PTAR1: variants seen among roughly 807,000 people sequenced by gnomAD.
PTAR1 encodes the protein protein prenyltransferase alpha subunit repeat-containing protein 1.
PTAR1 carries 17 observed loss-of-function variants against 45.5 expected under a neutral mutation model. The observed-to-expected ratio is 0.37, with a 90% CI of 0.26 to 0.56. The LOEUF (loss-of-function observed/expected upper bound fraction) is 0.56. PTAR1 is among the 20% of genes least tolerant of loss of function. The pLI, the probability that PTAR1 is intolerant of heterozygous loss-of-function variation, is 0.77. For missense variants in PTAR1, 391 were observed against 476.3 expected, an observed-to-expected ratio of 0.82 and a Z score of 1.67; for synonymous variants, 169 against 171.3, an observed-to-expected ratio of 0.99 and a Z score of 0.11.
At chr9:69,728,327 C>T (rs879297976) in intron 5 of PTAR1, among the ~76,000 whole-genome samples, 19 of 152,190 alleles carry the variant, frequency 1.2e-4, no homozygotes, top group Middle Eastern at 3.4e-3. Flanking sequence ...TATGGTAATG[C>T]ATGTTTTTCT....
At chr9:69,728,511 C>T (rs529463250) in intron 5 of PTAR1, among the ~76,000 whole-genome samples, 286 of 152,200 alleles carry the variant, frequency 1.9e-3, no homozygotes, top group African/African-American at 3.8e-3. Context: ...TGTTATTGTC[C>T]GTATTTTGGT....
chr9:69,734,757 T>C (rs1299863215), intron 3 of PTAR1, among the ~76,000 whole-genome samples: 1 of 152,176 alleles, frequency 6.6e-6, no homozygotes. Context: ...GAATCACTAT[T>C]CTAACCAAAT....
intron 2 of PTAR1, among the ~76,000 whole-genome samples, chr9:69,750,317 T>C (rs1450024471): frequency 1.3e-5 from 2 of 152,024 alleles, no homozygotes; most frequent in Non-Finnish European, 2.9e-5. Flanking sequence ...CATAAATCAC[T>C]GGGCTGGTTC....
rs1247186764 is a variant in PTAR1, at chr9:69,724,086, C to T, written c.643-456G>A. Among the ~76,000 whole-genome samples, 10 of 152,196 alleles carry T rather than the reference C, an allele frequency of 6.6e-5. No homozygotes were observed. In the East Asian group the frequency reaches 1.7e-3, roughly 26 times the overall value. On this transcript the variant is annotated intron_variant, in intron 5 of 7. Transcript: ENST00000340434. Reference sequence around the variant, plus strand: ...TGTAACTTATTATCTCTACAATAGGCTCAGTGAAATTATTTGTTCTTCAAT... The same window carrying T: ...TGTAACTTATTATCTCTACAATAGGTTCAGTGAAATTATTTGTTCTTCAAT...
rs149595471 is a variant in PTAR1, at chr9:69,719,288, A to G, written c.948-604T>C. Among the ~76,000 whole-genome samples, 25 of 152,298 alleles carry G rather than the reference A, an allele frequency of 1.6e-4. No individual in the cohort carries two copies. In the East Asian group the frequency reaches 4.4e-3, roughly 27 times the overall value. ...GCTGGGCTCTGAGCAAAACATGTAA[A>G]AGATACAGTTCCTGTTCTCCCTCCG... On this transcript the variant is annotated intron_variant, in intron 6 of 7. Coordinates refer to ENST00000340434, the MANE Select transcript of PTAR1 (RefSeq NM_001099666.2).
chr9:69,753,785 G>A (rs889571166), intron 1 of PTAR1, among the ~76,000 whole-genome samples: 1 of 152,212 alleles, frequency 6.6e-6, no homozygotes, highest in East Asian at 1.9e-4. Flanking sequence ...TGGAAGTCCA[G>A]AGTTCTAGTT....
At chr9:69,721,292 T>C (rs1216139981) in intron 6 of PTAR1, among the ~76,000 whole-genome samples, 3 of 152,266 alleles carry the variant, frequency 2.0e-5, no homozygotes, top group Non-Finnish European at 2.9e-5. Context: ...GTGGTGGAAA[T>C]TGCAAGACAA....
intron 3 of PTAR1, 99 bp downstream of exon 3, chr9:69,741,693 T>C: frequency 1.3e-6 from 1 of 749,024 alleles, no homozygotes; most frequent in Non-Finnish European, 2.3e-6. Flanking sequence ...AAGTGTAAAA[T>C]GGTTTATATT....
intron 5 of PTAR1, among the ~76,000 whole-genome samples, chr9:69,726,871 A>G (rs887793369): frequency 1.3e-5 from 2 of 150,900 alleles, no homozygotes; most frequent in African/African-American, 4.9e-5. Context: ...TATTTGTCAT[A>G]TGTGTTATAA....
At chr9:69,719,282 A>C (rs1277228094) in intron 6 of PTAR1, among the ~76,000 whole-genome samples, 1 of 152,196 alleles carries the variant, frequency 6.6e-6, no homozygotes, top group Non-Finnish European at 1.5e-5. Context: ...TGAGCAAAAC[A>C]TGTAAAAGAT....
intron 1 of PTAR1, among the ~76,000 whole-genome samples, chr9:69,754,279 G>C (rs1225390559): frequency 1.3e-5 from 2 of 152,004 alleles, no homozygotes; most frequent in African/African-American, 4.8e-5. Context: ...AGGTTTATGA[G>C]GATTATCTAA....
At position 69,714,662 on chromosome 9, in the gene PTAR1, A is replaced by G. The variant is rs1199256595; in HGVS notation, c.*3680T>C. 4 of 152,130 alleles carry G rather than the reference A, an allele frequency of 2.6e-5. No homozygotes were observed. Among genetic ancestry groups the G allele is most frequent in the African/African-American group, 7.2e-5 (3 of 41,448 alleles). The allele number at this position is 152,130 out of a possible 1,614,324, so 9.4% of individuals were successfully genotyped here. A position where few individuals can be genotyped will look rare whatever the true frequency, so the allele number is the denominator to read the frequency against. On this transcript the variant is annotated 3_prime_UTR_variant, in exon 8 of 8. Coordinates refer to ENST00000340434, the MANE Select transcript of PTAR1 (RefSeq NM_001099666.2). ...CTTTTGTTTCCGTATCTTGTATCAC[A>G]TAAGCCCTTATTTAAAAATTTAAGT...
At chr9:69,723,167 T>A (rs1030294383) in intron 6 of PTAR1, among the ~76,000 whole-genome samples, 159 bp downstream of exon 6, 5 of 151,932 alleles carry the variant, frequency 3.3e-5, no homozygotes, top group African/African-American at 1.2e-4. Context: ...ATGACGATGA[T>A]ATGGTAACAC....
chr9:69,741,703 T>G (rs951472765), intron 3 of PTAR1, 89 bp downstream of exon 3: 2 of 820,576 alleles, frequency 2.4e-6, no homozygotes, highest in Admixed American at 4.5e-5. Flanking sequence ...TGGTTTATAT[T>G]TCGTTTTCAA....
intron 3 of PTAR1, among the ~76,000 whole-genome samples, chr9:69,740,654 GAA>G (rs11298970): frequency 0.42 from 59,860 of 142,934 alleles, 12,516 homozygotes; most frequent in East Asian, 0.49. Flanking sequence ...AAACAAAGGG[GAA>G]AAAAAAAAAA....
At position 69,748,905 on chromosome 9, in the gene PTAR1, A is replaced by G. The variant is rs150555199; in HGVS notation, c.256+1876T>C. ...TAACCTGAGTAGTATGTGACACCATACTAAATTATGCTATCCACCCCCCTC... is the reference window on the plus strand; with the variant it reads ...TAACCTGAGTAGTATGTGACACCATGCTAAATTATGCTATCCACCCCCCTC... On this transcript the variant is annotated intron_variant, in intron 2 of 7. Transcript: ENST00000340434. Among the ~76,000 whole-genome samples, 580 of 152,224 alleles carry G rather than the reference A, an allele frequency of 3.8e-3. 4 individuals are homozygous for G. Among genetic ancestry groups the G allele is most frequent in the African/African-American group, 0.013 (552 of 41,560 alleles).
intron 6 of PTAR1, among the ~76,000 whole-genome samples, chr9:69,720,069 G>A (rs561380429): frequency 7.4e-4 from 113 of 152,284 alleles, no homozygotes; most frequent in African/African-American, 2.4e-3. Flanking sequence ...AAGTGTTCAA[G>A]TGAAAGGAAG....
At chr9:69,733,775 TATCTATA>T (rs1244021239) in intron 4 of PTAR1, among the ~76,000 whole-genome samples, 1 of 152,162 alleles carries the variant, frequency 6.6e-6, no homozygotes, top group African/African-American at 2.4e-5. Context: ...TACAGTTGAG[TATCTATA>T]AATGCAATGC....
intron 1 of PTAR1, among the ~76,000 whole-genome samples, chr9:69,751,490 T>C (rs1826532456): frequency 6.6e-6 from 1 of 152,152 alleles, no homozygotes; most frequent in South Asian, 2.1e-4. Context: ...AATCCTTTTG[T>C]ATAATTTCTT....
Sources: allele counts gnomAD v4.1 joint callset (sites outside exome capture counted in the v4.1 genomes callset), GRCh38; gene constraint gnomAD v4.1.1; transcripts MANE v1.5; gene names NCBI Gene and HGNC (gene_info 2026-07-23, HGNC 2026-07-21).